GIT1: variants seen among roughly 807,000 people sequenced by gnomAD.
GIT1 encodes the protein ARF GTPase-activating protein GIT1.
In GIT1, 14 loss-of-function variants were observed where a neutral mutation model predicts 91.7. The observed-to-expected ratio is 0.15, with a 90% CI of 0.10 to 0.24. The LOEUF is 0.24. Among genes scored for constraint, GIT1 ranks in the 10% least tolerant of loss-of-function variants. GIT1 has a pLI of 1.00. For missense variants in GIT1, 717 were observed against 1,024.9 expected (o/e 0.70, Z 4.10); for synonymous variants, 414 against 418.2 (o/e 0.99, Z 0.12).
At chr17:29,588,798 C>T (rs1020375913) in intron 1 of GIT1, among the ~76,000 whole-genome samples, 2 of 152,228 alleles carry the variant, frequency 1.3e-5, no homozygotes, top group African/African-American at 4.8e-5. Context: ...GAGTAGCCAC[C>T]GCTCATCTGC....
rs73986960 is a variant in GIT1 at position 29,576,469 on chromosome 17, G to A, written c.1381-19C>T. 6.2e-7 allele frequency: 1 copy of A among 1,612,890 alleles called. No individual in the cohort carries two copies. The highest frequency in any genetic ancestry group is 8.5e-7 in the Non-Finnish European group (1 of 1,179,468). On this transcript the variant is annotated intron_variant, in intron 13 of 19. Coordinates refer to ENST00000225394, the MANE Select transcript of GIT1 (RefSeq NM_014030.4). ...TGTGGATCTATGGGTGCAAAGTGCTGTCAACCCCCTGGAGTCCTGGGGCTC... is the reference window on the plus strand; with the variant it reads ...TGTGGATCTATGGGTGCAAAGTGCTATCAACCCCCTGGAGTCCTGGGGCTC...
Position 29,582,017 on chromosome 17 carries a change from C to T in GIT1, c.533G>A (p.Gly178Glu), listed in dbSNP as rs752504727. ...AAGCAGCTCGGCCTGCAGTGTCTGT[C>T]CTGCCTTGGCAGCCACGTGCAGAGG... ...TTPLHVAAKA[G>E]QTLQAELLVV... The change falls in exon 5 of 20, where the codon GGA (glycine) becomes GAA (glutamate). Residue 178 changes from glycine to glutamate, a missense_variant. Transcript: ENST00000225394. The T allele has an allele frequency of 6.2e-7, 1 of 1,612,626 alleles. No homozygotes were observed. The highest frequency in any genetic ancestry group is 8.5e-7 in the Non-Finnish European group (1 of 1,180,030).
At position 29,575,375 on chromosome 17, in the gene GIT1, C is replaced by T; in HGVS notation, c.1922G>A (p.Ser641Asn). ...LDGDLDPGLP[S>N]TEDVILKTEQ... ...TGTCTTCAAGATGACATCCTCTGTG[C>T]TGGGAAGCCCAGGATCTAGGTCTCC... is the stretch of plus-strand genomic sequence containing the variant. Residue 641 changes from serine to asparagine, a missense_variant, in exon 18 of 20, where the codon AGC becomes AAC. By Grantham distance (46) the Ser-to-Asn change is conservative. Around this residue, in one of 3 missense-constraint regions of GIT1, gnomAD observed 134 missense variants for 223.8 expected, o/e 0.60. Transcript: ENST00000225394. This position sits in a 1 kb window ranked among gnomAD's most constrained non-coding sequence, Gnocchi z 5.5. 6.2e-7 allele frequency: 1 copy of T among 1,613,680 alleles called. No homozygotes were observed. The highest frequency in any genetic ancestry group is 8.5e-7 in the Non-Finnish European group (1 of 1,179,804).
chr17:29,584,699 C>A (rs1398580562), intron 1 of GIT1, among the ~76,000 whole-genome samples: 2 of 152,226 alleles, frequency 1.3e-5, no homozygotes, highest in Non-Finnish European at 2.9e-5. Flanking sequence ...GGGGGACTGG[C>A]TCTCTGCCTT....
chr17:29,582,664 G>T, intron 4 of GIT1, 34 bp downstream of exon 4: 1 of 1,372,364 alleles, frequency 7.3e-7, no homozygotes, highest in Non-Finnish European at 1.0e-6. Context: ...AAGAAGAGGA[G>T]GGGGCCACCC....
At position 29,589,386 on chromosome 17, in the gene GIT1, G is replaced by A. The variant is rs757272056; in HGVS notation, c.-8C>T. 1 of 1,054,070 alleles carries A rather than the reference G, an allele frequency of 9.5e-7. No individual in the cohort carries two copies. Among genetic ancestry groups the A allele is most frequent in the Non-Finnish European group, 1.2e-6 (1 of 866,982 alleles). 65.3% of individuals were successfully genotyped at this position (1,054,070 alleles called of 1,614,324 possible). ...CGGCCCCTTTCGGGACATCCTCAGCGGCGACGCGGCCGCAGCCCTCTGGGC... is the reference window on the plus strand; with the variant it reads ...CGGCCCCTTTCGGGACATCCTCAGCAGCGACGCGGCCGCAGCCCTCTGGGC... On this transcript the variant is annotated 5_prime_UTR_variant, in exon 1 of 20. Coordinates refer to ENST00000225394, the MANE Select transcript of GIT1 (RefSeq NM_014030.4). The surrounding 1 kb of genome is among the most constrained non-coding windows in gnomAD (Gnocchi z 5.2).
intron 7 of GIT1, 166 bp from the exon 8 acceptor site, chr17:29,578,945 C>T (rs770945502): frequency 1.2e-5 from 20 of 1,612,924 alleles, no homozygotes; most frequent in Middle Eastern, 3.3e-4. Flanking sequence ...CCTGCTGCCC[C>T]GGCAGGCACC....
intron 8 of GIT1, 123 bp downstream of exon 8, chr17:29,578,608 G>A: frequency 1.1e-6 from 1 of 950,474 alleles, no homozygotes; most frequent in Non-Finnish European, 1.7e-6. Flanking sequence ...TGAGGCCAGT[G>A]AGGGGACAGG....
At chr17:29,578,958 A>T in intron 7 of GIT1, 179 bp from the exon 8 acceptor site, 1 of 1,613,728 alleles carries the variant, frequency 6.2e-7, no homozygotes, top group Non-Finnish European at 8.5e-7. Flanking sequence ...CAGGCACCAT[A>T]TACCTCTGAG....
intron 1 of GIT1, among the ~76,000 whole-genome samples, chr17:29,587,269 G>A (rs1032720804): frequency 6.6e-6 from 1 of 152,102 alleles, no homozygotes; most frequent in East Asian, 1.9e-4. Flanking sequence ...TCCAGGTGTG[G>A]GATAGTCCCA....
intron 1 of GIT1, among the ~76,000 whole-genome samples, chr17:29,585,396 C>G (rs966036998): frequency 2.4e-4 from 37 of 152,184 alleles, no homozygotes; most frequent in African/African-American, 8.7e-4. Context: ...TGTGGTCCTA[C>G]CGGAGAAGCC....
chr17:29,579,255 G>A, intron 7 of GIT1: 1 of 522,044 alleles, frequency 1.9e-6, no homozygotes, highest in African/African-American at 1.9e-5. Flanking sequence ...TCCTAGTGAA[G>A]CTCCCCAGGT....
chr17:29,574,798 G>C lies in GIT1; in HGVS notation c.2190C>G (p.Phe730Leu), dbSNP rs1211730947. ...GGATCACCTGCTGAGTCAGCAGCTG[G>C]AAGTCCACTGGGGCGCCGGGCTCTG... ...VPPEPGAPVD[F>L]QLLTQQVIQC... The change falls in exon 20 of 20, where the codon TTC becomes TTG. Residue 730 changes from phenylalanine to leucine, a missense_variant. This residue lies in a region of GIT1 where 134 missense variants were observed against 223.8 expected (regional missense o/e 0.60). Transcript: ENST00000225394. The C allele has an allele frequency of 1.2e-6, 2 of 1,612,768 alleles. No homozygotes were observed. Among genetic ancestry groups the C allele is most frequent in the Admixed American group, 3.3e-5 (2 of 60,006 alleles).
intron 15 of GIT1, 28 bp downstream of exon 15, chr17:29,576,050 A>G (rs760937420): frequency 1.9e-6 from 3 of 1,611,774 alleles, no homozygotes; most frequent in Non-Finnish European, 2.5e-6. Context: ...CCTACTGGCT[A>G]AGATGGACAC....
chr17:29,588,304 T>A lies in GIT1; in HGVS notation c.52+1023A>T, dbSNP rs1006951277. Among the ~76,000 whole-genome samples the A allele has an allele frequency of 5.3e-5, 8 of 152,206 alleles. No individual in the cohort carries two copies. In the East Asian group the frequency reaches 1.2e-3, roughly 22 times the overall value. On this transcript the variant is annotated intron_variant, in intron 1 of 19. Transcript: ENST00000225394. Reference sequence around the variant, plus strand: ...TCCTTTGCTAAAGAAAGAATGGATGTGGGCTAGAGCTTCCTTCCCAGGCCA... The same window carrying A: ...TCCTTTGCTAAAGAAAGAATGGATGAGGGCTAGAGCTTCCTTCCCAGGCCA...
chr17:29,575,582 C>A lies in GIT1; in HGVS notation c.1826+48G>T. 1 of 1,588,030 alleles carries A rather than the reference C, an allele frequency of 6.3e-7. No homozygotes were observed. The highest frequency in any genetic ancestry group is 1.1e-5 in the South Asian group (1 of 89,968). On this transcript the variant is annotated intron_variant, in intron 17 of 19. Coordinates refer to ENST00000225394, the MANE Select transcript of GIT1 (RefSeq NM_014030.4). The surrounding 1 kb of genome is among the most constrained non-coding windows in gnomAD (Gnocchi z 5.5). ...CACACTGGGGGCCCTCTCAACCTCCCCGCCTCGGCATGTGAGCAGGCTGGA... is the reference window on the plus strand; with the variant it reads ...CACACTGGGGGCCCTCTCAACCTCCACGCCTCGGCATGTGAGCAGGCTGGA...
rs1244359678 is a variant in GIT1 at position 29,575,534 on chromosome 17, G to A, written c.1827-64C>T. Reference sequence around the variant, plus strand: ...ATAGAGAAAGACACGTTCCAGCCTCGGAGCCGCCCGCCTTGGTCCTCACAC... The same window carrying A: ...ATAGAGAAAGACACGTTCCAGCCTCAGAGCCGCCCGCCTTGGTCCTCACAC... On this transcript the variant is annotated intron_variant, in intron 17 of 19. Coordinates refer to ENST00000225394, the MANE Select transcript of GIT1 (RefSeq NM_014030.4). The surrounding 1 kb of genome is among the most constrained non-coding windows in gnomAD (Gnocchi z 5.5). The A allele has an allele frequency of 1.2e-5, 19 of 1,561,304 alleles. No homozygotes were observed. The highest frequency in any genetic ancestry group is 3.4e-5 in the South Asian group (3 of 87,414).
At chr17:29,577,529 T>G in intron 10 of GIT1, 116 bp downstream of exon 10, 1 of 774,848 alleles carries the variant, frequency 1.3e-6, no homozygotes, top group Non-Finnish European at 2.3e-6. Flanking sequence ...AGCTGTGCCC[T>G]GAGGGAGGCC....
intron 1 of GIT1, among the ~76,000 whole-genome samples, chr17:29,585,561 C>T (rs1226026920): frequency 6.6e-6 from 1 of 152,150 alleles, no homozygotes; most frequent in Non-Finnish European, 1.5e-5. Flanking sequence ...TTCCCCCAGC[C>T]TGGGGGAGGG....
Sources: allele counts gnomAD v4.1 joint callset (sites outside exome capture counted in the v4.1 genomes callset), GRCh38; gene constraint gnomAD v4.1.1; regional missense constraint gnomAD v4.1.1; non-coding constraint Gnocchi (gnomAD v3.1); transcripts MANE v1.5; gene names NCBI Gene and HGNC (gene_info 2026-07-23, HGNC 2026-07-21).